Variants in RAB10 observed in about 807,000 individuals in gnomAD.
RAB10 encodes the protein RAB10, member RAS oncogene family.
A neutral mutation model predicts 25.7 loss-of-function variants in RAB10; 5 were observed. That is an observed-to-expected ratio of 0.19 (90% CI 0.10 to 0.41). The LOEUF is 0.41. RAB10 is among the 10% of genes least tolerant of loss of function. The probability of loss-of-function intolerance (pLI) is 1.00; values close to 1 mark genes in which losing one functional copy is unlikely to be tolerated. For missense variants in RAB10, 103 were observed against 245.8 expected (o/e 0.42, Z 3.89); for synonymous variants, 89 against 86.4 (o/e 1.03, Z -0.16).
chr2:26,062,605 G>C (rs904108020), intron 1 of RAB10, among the ~76,000 whole-genome samples: 4 of 152,058 alleles, frequency 2.6e-5, no homozygotes, highest in African/African-American at 9.7e-5. Context: ...TTGAACCACG[G>C]AGGTGGGGGT....
At chr2:26,089,013 G>GA (rs1667047519) in intron 1 of RAB10, among the ~76,000 whole-genome samples, 1 of 152,098 alleles carries the variant, frequency 6.6e-6, no homozygotes, top group Non-Finnish European at 1.5e-5. Flanking sequence ...ATATTTACTT[G>GA]AAAAAAGTTT....
chr2:26,109,214 T>G (rs1667524575), intron 2 of RAB10, among the ~76,000 whole-genome samples: 1 of 152,104 alleles, frequency 6.6e-6, no homozygotes, highest in South Asian at 2.1e-4. Flanking sequence ...CCGACCTTAT[T>G]TTTGCTTTTT....
At chr2:26,042,083 A>C (rs933621790) in intron 1 of RAB10, among the ~76,000 whole-genome samples, 4 of 152,154 alleles carry the variant, frequency 2.6e-5, no homozygotes, top group Admixed American at 2.0e-4. Flanking sequence ...TTGTCCCCAA[A>C]GCACAAGCTT....
chr2:26,101,131 A>G (rs1023619302), intron 2 of RAB10, among the ~76,000 whole-genome samples: 1 of 152,170 alleles, frequency 6.6e-6, no homozygotes, highest in African/African-American at 2.4e-5. Context: ...TTGAGTATGT[A>G]TTTGCCAGGT....
chr2:26,099,010 A>G (rs1667285671), intron 2 of RAB10, among the ~76,000 whole-genome samples: 1 of 152,246 alleles, frequency 6.6e-6, no homozygotes, highest in South Asian at 2.1e-4. Flanking sequence ...GGATTGTTAC[A>G]AGGATTACAT....
intron 3 of RAB10, among the ~76,000 whole-genome samples, chr2:26,118,080 C>T (rs2149286709): frequency 6.6e-6 from 1 of 151,418 alleles, no homozygotes; most frequent in East Asian, 2.0e-4. Flanking sequence ...TCAAGTGGTT[C>T]TCCTGCCTCA....
chr2:26,088,325 G>T (rs1277404845), intron 1 of RAB10, among the ~76,000 whole-genome samples: 1 of 152,160 alleles, frequency 6.6e-6, no homozygotes, highest in Non-Finnish European at 1.5e-5. Flanking sequence ...GCTAAAAATT[G>T]AAATACTCTT....
intron 2 of RAB10, 97 bp from the exon 3 acceptor site, chr2:26,109,671 T>G: frequency 8.0e-7 from 1 of 1,248,502 alleles, no homozygotes; most frequent in Non-Finnish European, 1.0e-6. Flanking sequence ...TAAAAAGTTT[T>G]TATATATACT....
At chr2:26,052,470 A>ATTT (rs10712935) in intron 1 of RAB10, among the ~76,000 whole-genome samples, 2 of 114,518 alleles carry the variant, frequency 1.7e-5, no homozygotes, top group Non-Finnish European at 3.6e-5. Flanking sequence ...CCGTGAGCCA[A>ATTT]TTTTTTTTTT....
intron 1 of RAB10, among the ~76,000 whole-genome samples, chr2:26,049,057 T>G (rs1051482595): frequency 2.6e-5 from 4 of 152,174 alleles, no homozygotes; most frequent in African/African-American, 7.2e-5. Flanking sequence ...CTTTTGGTAT[T>G]TAGGAACTCT....
chr2:26,130,626 G>A (rs1667994796), intron 5 of RAB10, among the ~76,000 whole-genome samples: 1 of 151,986 alleles, frequency 6.6e-6, no homozygotes. Flanking sequence ...AGATTTTTTG[G>A]TAGAGATTGG....
Position 26,137,234 on chromosome 2 carries a change from GA to G in RAB10, c.*2216del, listed in dbSNP as rs1008578958. On this transcript the variant is annotated 3_prime_UTR_variant, in exon 6 of 6. Coordinates refer to ENST00000264710, the MANE Select transcript of RAB10 (RefSeq NM_016131.5). ...AAATCAATTTTTGTATAATCTGTTT[GA>G]AACATGAGTTTTATTTGCTTAATAT... 6.6e-6 allele frequency: 1 copy of G among 152,638 alleles called. No homozygotes were observed. Among genetic ancestry groups the G allele is most frequent in the Non-Finnish European group, 1.5e-5 (1 of 68,030 alleles). The allele number at this position is 152,638 out of a possible 1,614,324, so 9.5% of individuals were successfully genotyped here.
intron 2 of RAB10, among the ~76,000 whole-genome samples, chr2:26,103,954 T>C (rs980086076): frequency 5.9e-5 from 9 of 152,244 alleles, no homozygotes; most frequent in African/African-American, 1.4e-4. Context: ...CTCCATTGTA[T>C]GGATATACCA....
intron 3 of RAB10, among the ~76,000 whole-genome samples, chr2:26,121,769 A>T (rs1347574837): frequency 6.6e-6 from 1 of 152,218 alleles, no homozygotes; most frequent in Non-Finnish European, 1.5e-5. Context: ...TGTAACAGAG[A>T]TGCAGTATTA....
At chr2:26,068,075 G>C (rs1666550345) in intron 1 of RAB10, among the ~76,000 whole-genome samples, 1 of 152,192 alleles carries the variant, frequency 6.6e-6, no homozygotes. Flanking sequence ...AGGTGGCCTA[G>C]AGAATGCTGT....
chr2:26,061,481 T>C (rs1482562887), intron 1 of RAB10, among the ~76,000 whole-genome samples: 1 of 151,994 alleles, frequency 6.6e-6, no homozygotes, highest in Non-Finnish European at 1.5e-5. Flanking sequence ...GGCACAGTAA[T>C]AGGCCACCAC....
intron 3 of RAB10, among the ~76,000 whole-genome samples, chr2:26,113,158 C>G (rs1373804910): frequency 6.6e-6 from 1 of 152,100 alleles, no homozygotes; most frequent in Non-Finnish European, 1.5e-5. Flanking sequence ...GAGGAACTTA[C>G]CCAGGAATGC....
intron 1 of RAB10, among the ~76,000 whole-genome samples, chr2:26,095,957 C>G (rs1040214985): frequency 5.3e-5 from 8 of 152,166 alleles, no homozygotes; most frequent in South Asian, 2.1e-4. Flanking sequence ...TTTGTTCTCA[C>G]AGCCCTGCCA....
intron 2 of RAB10, among the ~76,000 whole-genome samples, chr2:26,106,094 G>A (rs949043309): frequency 6.6e-6 from 1 of 152,146 alleles, no homozygotes; most frequent in African/African-American, 2.4e-5. Context: ...CCAGGTTATT[G>A]GAGACCTTCT....
Sources: gnomAD v4.1 joint callset for allele counts (sites outside exome capture counted in the v4.1 genomes callset) on GRCh38, gnomAD v4.1.1 for gene constraint, MANE v1.5 for transcripts, NCBI Gene and HGNC (gene_info 2026-07-23, HGNC 2026-07-21) for gene names.